Variants in TMTC1 observed in about 807,000 individuals in gnomAD.
TMTC1 encodes protein O-mannosyl-transferase TMTC1.
Under a neutral mutation model 104.8 loss-of-function variants are expected in TMTC1, and 73 were observed. The observed-to-expected ratio is 0.70, with a 90% CI of 0.58 to 0.85. The LOEUF is 0.85. Among genes scored for constraint, TMTC1 ranks in the 40% least tolerant of loss-of-function variants. The pLI is 0.00. For missense variants in TMTC1, 1,035 were observed against 1,096.1 expected, an observed-to-expected ratio of 0.94 and a Z score of 0.79; for synonymous variants, 434 against 428.7, an observed-to-expected ratio of 1.01 and a Z score of -0.15.
Position 29,505,085 on chromosome 12 carries a change from G to A in TMTC1, c.*1761C>T, listed in dbSNP as rs570419939. ...TACTGTTGCACACAAAGAGATGCAT[G>A]CTAATTCAAATTCTGTAATCATTTT... is the stretch of plus-strand genomic sequence containing the variant. On this transcript the variant is annotated 3_prime_UTR_variant, in exon 18 of 18. Transcript: ENST00000539277. The A allele has an allele frequency of 5.9e-5, 9 of 152,290 alleles. No individual in the cohort carries two copies. The highest frequency in any genetic ancestry group is 1.3e-4 in the Admixed American group (2 of 15,292). The allele number at this position is 152,290 out of a possible 1,614,324, so 9.4% of individuals were successfully genotyped here.
intron 7 of TMTC1, among the ~76,000 whole-genome samples, chr12:29,590,805 A>C (rs1186897470): frequency 2.0e-5 from 3 of 152,144 alleles, no homozygotes; most frequent in East Asian, 3.9e-4. Flanking sequence ...AAACAAAAAA[A>C]CAAAAACAAA....
rs1261637054 is a variant in TMTC1, at chr12:29,572,231, A to C, written c.1419-13T>G. The C allele has an allele frequency of 2.8e-5, 44 of 1,576,454 alleles. No individual in the cohort carries two copies. The highest frequency in any genetic ancestry group is 3.7e-5 in the Non-Finnish European group (42 of 1,146,506). On this transcript the variant is annotated splice_polypyrimidine_tract_variant and intron_variant, in intron 8 of 17. Transcript: ENST00000539277. ...TTGAACTCCAGACCTAAAATGAATA[A>C]ATTTTTAAAAAGAATTATTTGACAA...
intron 9 of TMTC1, among the ~76,000 whole-genome samples, chr12:29,569,489 T>C (rs1945608519): frequency 6.6e-6 from 1 of 152,218 alleles, no homozygotes; most frequent in Non-Finnish European, 1.5e-5. Flanking sequence ...AAACATCAGA[T>C]ACTCTAAAGT....
intron 11 of TMTC1, chr12:29,533,133 G>A (rs1221401772): frequency 3.3e-5 from 5 of 151,982 alleles, no homozygotes; most frequent in East Asian, 1.9e-4. Flanking sequence ...GATATTTACC[G>A]TTACTTCCTA....
intron 9 of TMTC1, among the ~76,000 whole-genome samples, chr12:29,560,597 A>T (rs1945352958): frequency 6.6e-6 from 1 of 152,138 alleles, no homozygotes; most frequent in Non-Finnish European, 1.5e-5. Flanking sequence ...TGTCTCTACA[A>T]AAAAATAAAA....
intron 6 of TMTC1, among the ~76,000 whole-genome samples, chr12:29,621,772 A>G (rs1937682310): frequency 6.6e-6 from 1 of 152,178 alleles, no homozygotes; most frequent in South Asian, 2.1e-4. Context: ...ATGGACCAGC[A>G]TGGAGGTAAA....
chr12:29,645,556 C>T (rs149583228), intron 5 of TMTC1, among the ~76,000 whole-genome samples: 21 of 152,188 alleles, frequency 1.4e-4, no homozygotes, highest in African/African-American at 4.3e-4. Context: ...TGGAGTTCAA[C>T]GTCTGAGAAT....
chr12:29,650,000 C>T (rs578203342), intron 5 of TMTC1, among the ~76,000 whole-genome samples: 1 of 152,230 alleles, frequency 6.6e-6, no homozygotes, highest in African/African-American at 2.4e-5. Context: ...AGTTGTTATC[C>T]ATAGGGCTAT....
chr12:29,539,820 G>A (rs1944746792), intron 10 of TMTC1, among the ~76,000 whole-genome samples: 1 of 152,176 alleles, frequency 6.6e-6, no homozygotes, highest in South Asian at 2.1e-4. Context: ...CTGAGATTCA[G>A]AGTGCTTTCA....
intron 1 of TMTC1, among the ~76,000 whole-genome samples, chr12:29,780,492 G>A (rs1303315691): frequency 6.6e-6 from 1 of 152,114 alleles, no homozygotes; most frequent in South Asian, 2.1e-4. Context: ...TTGGGTGAGG[G>A]GATTATGGAT....
At chr12:29,605,066 T>C (rs1350903283) in intron 6 of TMTC1, among the ~76,000 whole-genome samples, 1 of 152,182 alleles carries the variant, frequency 6.6e-6, no homozygotes, top group Non-Finnish European at 1.5e-5. Flanking sequence ...TGTATTTCCA[T>C]GTGTATTTAT....
At chr12:29,708,675 G>GT (rs1941817665) in intron 5 of TMTC1, among the ~76,000 whole-genome samples, 1 of 152,146 alleles carries the variant, frequency 6.6e-6, no homozygotes, top group African/African-American at 2.4e-5. Context: ...GAAAACTTGC[G>GT]TTTGTTAAAT....
At chr12:29,610,692 G>A (rs886644306) in intron 6 of TMTC1, among the ~76,000 whole-genome samples, 6 of 152,206 alleles carry the variant, frequency 3.9e-5, no homozygotes, top group Admixed American at 3.9e-4. Flanking sequence ...GTCACACTGC[G>A]AGATGTTTAG....
chr12:29,643,271 G>A (rs1328422888), intron 5 of TMTC1, among the ~76,000 whole-genome samples: 4 of 151,400 alleles, frequency 2.6e-5, no homozygotes, highest in Non-Finnish European at 5.9e-5. Context: ...TCTACCATTT[G>A]ATGCAGCAAT....
chr12:29,626,946 CA>C, intron 6 of TMTC1, among the ~76,000 whole-genome samples: 1 of 151,776 alleles, frequency 6.6e-6, no homozygotes, highest in East Asian at 1.9e-4. Flanking sequence ...ACTAAAAATA[CA>C]AAAAATTAGC....
At chr12:29,708,675 G>A (rs1239373551) in intron 5 of TMTC1, among the ~76,000 whole-genome samples, 2 of 152,146 alleles carry the variant, frequency 1.3e-5, no homozygotes, top group Non-Finnish European at 2.9e-5. Flanking sequence ...GAAAACTTGC[G>A]TTTGTTAAAT....
At chr12:29,681,589 C>G (rs560949618) in intron 5 of TMTC1, among the ~76,000 whole-genome samples, 2 of 152,090 alleles carry the variant, frequency 1.3e-5, no homozygotes, top group East Asian at 3.9e-4. Flanking sequence ...ATTCAGTGGA[C>G]AGAGGCACAC....
intron 5 of TMTC1, among the ~76,000 whole-genome samples, chr12:29,654,952 C>T (rs1040151569): frequency 3.3e-5 from 5 of 152,122 alleles, no homozygotes; most frequent in Admixed American, 1.3e-4. Flanking sequence ...GGCGTGATCT[C>T]GGCTTACTGC....
Position 29,783,328 on chromosome 12 carries a change from CGTGGAGGGAAAGGGCGGCA to C in TMTC1, c.302+103_302+121del, listed in dbSNP as rs1943879405. 1.1e-5 allele frequency: 9 copies of C among 832,904 alleles called. No individual in the cohort carries two copies. The highest frequency in any genetic ancestry group is 1.5e-5 in the Non-Finnish European group (9 of 619,336). 51.6% of individuals were successfully genotyped at this position (832,904 alleles called of 1,614,324 possible). ...ATGCACATCCTGGAGAGGAGGGAGG[CGTGGAGGGAAAGGGCGGCA>C]AAAATGAAATGCCCCCAAGTCAGTC... On this transcript the variant is annotated intron_variant, in intron 1 of 17. Coordinates refer to ENST00000539277, the MANE Select transcript of TMTC1 (RefSeq NM_001193451.2). The surrounding 1 kb of genome is among the most constrained non-coding windows in gnomAD (Gnocchi z 4.7).
Sources: allele counts gnomAD v4.1 joint callset (sites outside exome capture counted in the v4.1 genomes callset), GRCh38; gene constraint gnomAD v4.1.1; non-coding constraint Gnocchi (gnomAD v3.1); transcripts MANE v1.5; gene names NCBI Gene and HGNC (gene_info 2026-07-23, HGNC 2026-07-21).